RALGAPA2: variants seen among roughly 807,000 people sequenced by gnomAD.
RALGAPA2 encodes Ral GTPase activating protein catalytic subunit alpha 2, also known as ral GTPase-activating protein subunit alpha-2.
A neutral mutation model predicts 230.4 loss-of-function variants in RALGAPA2; 139 were observed. That is an observed-to-expected ratio of 0.60 (90% CI 0.53 to 0.69). RALGAPA2 has a LOEUF of 0.69. RALGAPA2 is among the 30% of genes least tolerant of loss of function. The pLI is 0.00. For missense variants in RALGAPA2, 2,163 were observed against 2,276.0 expected (o/e 0.95, Z 1.01); for synonymous variants, 847 against 837.8 (o/e 1.01, Z -0.19).
chr20:20,573,412 G>T (rs910599719), intron 20 of RALGAPA2, among the ~76,000 whole-genome samples: 1 of 152,170 alleles, frequency 6.6e-6, no homozygotes, highest in Admixed American at 6.5e-5. Context: ...CTCAATGCTG[G>T]AGTAACATCT....
intron 3 of RALGAPA2, among the ~76,000 whole-genome samples, chr20:20,668,236 C>T (rs923799594): frequency 1.3e-5 from 2 of 152,080 alleles, no homozygotes; most frequent in African/African-American, 4.8e-5. Flanking sequence ...AATCTCATCT[C>T]TACTAAGAAT....
chr20:20,429,998 G>A (rs2060468799), intron 37 of RALGAPA2, among the ~76,000 whole-genome samples: 1 of 152,232 alleles, frequency 6.6e-6, no homozygotes, highest in Admixed American at 6.5e-5. Context: ...AGATAGCAGG[G>A]TTGAAGTCAA....
rs1296362649 is a variant in RALGAPA2 at position 20,616,167 on chromosome 20, T to C, written c.1564A>G (p.Ile522Val). Residue 522 changes from isoleucine to valine, a missense_variant, in exon 13 of 40, where the codon ATC (isoleucine) becomes GTC (valine). Physicochemically the swap from Ile to Val is conservative, Grantham distance 29 (BLOSUM62 3). Coordinates refer to ENST00000202677, the MANE Select transcript of RALGAPA2 (RefSeq NM_020343.4). ...LQVFLTNSAN[I>V]FLLEPCAEVP... ...TCAGCACATGGTTCCAACAAAAAGA[T>C]GTTTGCAGAGTTCGTCAAAAATACC... 3 of 1,536,420 alleles carry C rather than the reference T, an allele frequency of 2.0e-6. No homozygotes were observed. The highest frequency in any genetic ancestry group is 1.4e-5 in the African/African-American group (1 of 72,638).
intron 39 of RALGAPA2, among the ~76,000 whole-genome samples, chr20:20,394,298 C>G (rs2059660056): frequency 6.6e-6 from 1 of 152,118 alleles, no homozygotes; most frequent in Non-Finnish European, 1.5e-5. Context: ...TCAGTACTTT[C>G]AGAGTCCAGG....
chr20:20,465,193 ACACACT>A (rs1346054022), intron 37 of RALGAPA2, among the ~76,000 whole-genome samples: 4 of 147,948 alleles, frequency 2.7e-5, no homozygotes, highest in Admixed American at 6.6e-5. Flanking sequence ...ACACACACAC[ACACACT>A]CTCTCATACT....
intron 18 of RALGAPA2, among the ~76,000 whole-genome samples, chr20:20,587,555 A>G (rs909268029): frequency 6.6e-6 from 1 of 152,068 alleles, no homozygotes; most frequent in African/African-American, 2.4e-5. Flanking sequence ...TGTAGAGCAA[A>G]CCTGAAACAT....
intron 37 of RALGAPA2, among the ~76,000 whole-genome samples, chr20:20,452,609 G>A (rs755803111): frequency 1.8e-4 from 27 of 152,208 alleles, no homozygotes; most frequent in Non-Finnish European, 2.6e-4. Context: ...AAGCGGCAAC[G>A]GCCCAGCGAG....
chr20:20,643,647 T>C lies in RALGAPA2; in HGVS notation c.329-98A>G, dbSNP rs550141540. 77 of 1,132,564 alleles carry C rather than the reference T, an allele frequency of 6.8e-5. No homozygotes were observed. The South Asian group carries it at 1.1e-3, about 16-fold the overall frequency. The allele number at this position is 1,132,564 out of a possible 1,614,324, so 70.2% of individuals were successfully genotyped here. A position where few individuals can be genotyped will look rare whatever the true frequency, so the allele number is the denominator to read the frequency against. On this transcript the variant is annotated intron_variant, in intron 4 of 39. Coordinates refer to ENST00000202677, the MANE Select transcript of RALGAPA2 (RefSeq NM_020343.4). Reference sequence around the variant, plus strand: ...GTACTTATGACAAAAATATACTTTTTAAAAATAAAAGGAAGAAGGCTGACC... The same window carrying C: ...GTACTTATGACAAAAATATACTTTTCAAAAATAAAAGGAAGAAGGCTGACC...
intron 18 of RALGAPA2, among the ~76,000 whole-genome samples, chr20:20,585,411 C>T (rs1281188682): frequency 6.6e-6 from 1 of 151,992 alleles, no homozygotes; most frequent in Non-Finnish European, 1.5e-5. Context: ...CACAGACTCT[C>T]CTGAGCATTG....
chr20:20,531,902 ATAT>A (rs2063378791), intron 26 of RALGAPA2, 107 bp from the exon 27 acceptor site: 1 of 926,896 alleles, frequency 1.1e-6, no homozygotes, highest in Non-Finnish European at 1.6e-6. Context: ...AAAATAGCAA[ATAT>A]TATAGATCTA....
At chr20:20,644,975 A>G (rs893338697) in intron 4 of RALGAPA2, among the ~76,000 whole-genome samples, 1 of 152,180 alleles carries the variant, frequency 6.6e-6, no homozygotes, top group African/African-American at 2.4e-5. Flanking sequence ...CTTTCCAGCC[A>G]TCTGGCTAAT....
chr20:20,682,127 G>A (rs1437558714), intron 1 of RALGAPA2, among the ~76,000 whole-genome samples: 1 of 152,126 alleles, frequency 6.6e-6, no homozygotes, highest in Non-Finnish European at 1.5e-5. Context: ...GCAAAAATGT[G>A]CCCTGGCTCT....
At chr20:20,444,480 C>T (rs140103525) in intron 37 of RALGAPA2, among the ~76,000 whole-genome samples, 39 of 152,040 alleles carry the variant, frequency 2.6e-4, no homozygotes, top group African/African-American at 8.2e-4. Context: ...ACACACAGTA[C>T]ACAGAAGTAT....
At chr20:20,394,005 G>A (rs1184964834) in intron 39 of RALGAPA2, among the ~76,000 whole-genome samples, 1 of 152,124 alleles carries the variant, frequency 6.6e-6, no homozygotes, top group Non-Finnish European at 1.5e-5. Flanking sequence ...AAACCCTGTT[G>A]TATTATGCCC....
In RALGAPA2 at chr20:20,511,250, A is replaced by T. The variant is rs2062695889; in HGVS notation, c.4928+4T>A. The T allele has an allele frequency of 1.3e-6, 2 of 1,574,114 alleles. No individual in the cohort carries two copies. Among genetic ancestry groups the T allele is most frequent in the African/African-American group, 2.7e-5 (2 of 73,952 alleles). Reference sequence around the variant, plus strand: ...AAAAAGTGGTTTGATATACTTTCACATACCACTGGCGGGAGTCCAAATTTT... The same window carrying T: ...AAAAAGTGGTTTGATATACTTTCACTTACCACTGGCGGGAGTCCAAATTTT... On this transcript the variant is annotated splice_donor_region_variant and intron_variant, in intron 33 of 39. Transcript: ENST00000202677.
chr20:20,487,014 C>G (rs2061929010), intron 36 of RALGAPA2, among the ~76,000 whole-genome samples: 2 of 152,198 alleles, frequency 1.3e-5, no homozygotes, highest in Non-Finnish European at 2.9e-5. Context: ...GCATATTAAT[C>G]AGTAATTTTA....
chr20:20,436,088 A>C (rs1334927453), intron 37 of RALGAPA2, among the ~76,000 whole-genome samples: 3 of 152,190 alleles, frequency 2.0e-5, no homozygotes, highest in Non-Finnish European at 4.4e-5. Flanking sequence ...ACAGTAACAG[A>C]TTACTTGGAA....
chr20:20,502,121 A>C (rs1476196096), intron 35 of RALGAPA2, among the ~76,000 whole-genome samples: 1 of 152,250 alleles, frequency 6.6e-6, no homozygotes, highest in Admixed American at 6.5e-5. Flanking sequence ...GCTGTTAGAA[A>C]AATGGTGCCA....
intron 1 of RALGAPA2, among the ~76,000 whole-genome samples, chr20:20,686,334 T>C (rs1302858274): frequency 6.6e-6 from 1 of 152,068 alleles, no homozygotes; most frequent in Non-Finnish European, 1.5e-5. Context: ...TCACTTGAGG[T>C]CAGGAGTTCA....
Sources: gnomAD v4.1 joint callset for allele counts (sites outside exome capture counted in the v4.1 genomes callset) on GRCh38, gnomAD v4.1.1 for gene constraint, MANE v1.5 for transcripts, NCBI Gene and HGNC (gene_info 2026-07-23, HGNC 2026-07-21) for gene names.